Variants in KCNH8 observed in about 807,000 individuals in gnomAD.
KCNH8 encodes the protein voltage-gated delayed rectifier potassium channel KCNH8.
KCNH8 carries 70 observed loss-of-function variants against 103.6 expected under a neutral mutation model. The ratio of observed to expected loss-of-function variants is 0.68; its 90% CI spans 0.56 to 0.82. The LOEUF is 0.82. Ranked by LOEUF, KCNH8 falls within the 40% of genes least tolerant of loss-of-function variation. The pLI is 0.00. For missense variants in KCNH8, 1,217 were observed against 1,329.9 expected (o/e 0.92, Z 1.32); for synonymous variants, 498 against 489.4 (o/e 1.02, Z -0.23).
At chr3:19,216,926 A>G (rs2063823830) in intron 1 of KCNH8, among the ~76,000 whole-genome samples, 1 of 152,216 alleles carries the variant, frequency 6.6e-6, no homozygotes, top group Non-Finnish European at 1.5e-5. Context: ...GATCAGGTTG[A>G]GCAATATGAG....
intron 1 of KCNH8, among the ~76,000 whole-genome samples, chr3:19,193,319 A>G (rs2063570851): frequency 1.3e-5 from 2 of 151,796 alleles, no homozygotes; most frequent in South Asian, 4.1e-4. Context: ...CATAGATAAA[A>G]ATAAGAACAA....
chr3:19,390,694 T>C, intron 6 of KCNH8, 56 bp downstream of exon 6: 1 of 1,536,638 alleles, frequency 6.5e-7, no homozygotes, highest in Non-Finnish European at 8.8e-7. Context: ...TTATCGCATG[T>C]TCAGGTTTTA....
chr3:19,210,257 A>G (rs1231255197), intron 1 of KCNH8, among the ~76,000 whole-genome samples: 1 of 152,088 alleles, frequency 6.6e-6, no homozygotes, highest in East Asian at 1.9e-4. Flanking sequence ...CAGCAGCACA[A>G]GGCTCTCGAT....
At chr3:19,239,680 ATCT>A (rs1201206786) in intron 1 of KCNH8, among the ~76,000 whole-genome samples, 2 of 151,298 alleles carry the variant, frequency 1.3e-5, no homozygotes, top group African/African-American at 4.9e-5. Flanking sequence ...CTATCTATCT[ATCT>A]ACCTACCTAC....
rs369620038 is a variant in KCNH8 at position 19,440,530 on chromosome 3, A to G, written c.1375+2169A>G. On this transcript the variant is annotated intron_variant, in intron 8 of 15. Transcript: ENST00000328405. ...ACGTGCAGGGGAACTGCCCTTTATAAAACCATAAGATCTTGTAAGGCTTAT... is the reference window on the plus strand; with the variant it reads ...ACGTGCAGGGGAACTGCCCTTTATAGAACCATAAGATCTTGTAAGGCTTAT... Among the ~76,000 whole-genome samples, 12 of 152,250 alleles carry G rather than the reference A, an allele frequency of 7.9e-5. No individual in the cohort carries two copies. The East Asian group carries it at 2.1e-3, about 27-fold the overall frequency.
chr3:19,184,534 G>A (rs544633204), intron 1 of KCNH8, among the ~76,000 whole-genome samples: 1 of 152,026 alleles, frequency 6.6e-6, no homozygotes, highest in East Asian at 1.9e-4. Context: ...AAGGCTGGCT[G>A]ACAAAAATAC....
At chr3:19,331,068 A>G (rs1575532304) in intron 3 of KCNH8, among the ~76,000 whole-genome samples, 1 of 152,062 alleles carries the variant, frequency 6.6e-6, no homozygotes, top group Non-Finnish European at 1.5e-5. Context: ...ACAAGGTAGT[A>G]TAAAGTTTTT....
intron 3 of KCNH8, among the ~76,000 whole-genome samples, chr3:19,331,126 A>C (rs985575643): frequency 6.6e-6 from 1 of 151,854 alleles, no homozygotes; most frequent in South Asian, 2.1e-4. Flanking sequence ...ACTGGGGGGA[A>C]GTTTTTTTTG....
intron 3 of KCNH8, among the ~76,000 whole-genome samples, chr3:19,299,178 A>C (rs959203469): frequency 2.0e-5 from 3 of 152,180 alleles, no homozygotes; most frequent in Non-Finnish European, 2.9e-5. Context: ...TGGGTAGTGC[A>C]TGAGAAAATA....
intron 1 of KCNH8, among the ~76,000 whole-genome samples, chr3:19,186,784 A>C (rs1232089962): frequency 6.6e-6 from 1 of 152,048 alleles, no homozygotes; most frequent in Non-Finnish European, 1.5e-5. Context: ...ACAAAAGGAG[A>C]TAAAACTGGC....
At chr3:19,235,417 G>A (rs944020197) in intron 1 of KCNH8, among the ~76,000 whole-genome samples, 2 of 152,172 alleles carry the variant, frequency 1.3e-5, no homozygotes, top group Non-Finnish European at 2.9e-5. Flanking sequence ...CCAGAATTAT[G>A]TGTGCCTCTG....
At chr3:19,319,628 G>C (rs1383048101) in intron 3 of KCNH8, among the ~76,000 whole-genome samples, 2 of 151,956 alleles carry the variant, frequency 1.3e-5, no homozygotes, top group Non-Finnish European at 2.9e-5. Context: ...TTTTTGCTTA[G>C]TCTTGCTTTG....
intron 1 of KCNH8, among the ~76,000 whole-genome samples, chr3:19,244,748 TA>T (rs1404654749): frequency 6.6e-6 from 1 of 152,210 alleles, no homozygotes; most frequent in Admixed American, 6.5e-5. Flanking sequence ...TTCATATTTT[TA>T]TTGGCCACTT....
At chr3:19,226,527 T>G (rs771965449) in intron 1 of KCNH8, among the ~76,000 whole-genome samples, 6 of 152,082 alleles carry the variant, frequency 3.9e-5, no homozygotes, top group Non-Finnish European at 8.8e-5. Flanking sequence ...TCATACTTCT[T>G]TGGCATCAAA....
chr3:19,444,413 A>T (rs2067331852), intron 8 of KCNH8, among the ~76,000 whole-genome samples: 1 of 152,056 alleles, frequency 6.6e-6, no homozygotes, highest in African/African-American at 2.4e-5. Context: ...AAAAGGTAAT[A>T]TAGGAGAATA....
At chr3:19,440,263 CTAGA>C (rs2125173319) in intron 8 of KCNH8, among the ~76,000 whole-genome samples, 1 of 151,998 alleles carries the variant, frequency 6.6e-6, no homozygotes, top group South Asian at 2.1e-4. Flanking sequence ...AGAGAACTAG[CTAGA>C]TAGAGGCACA....
At chr3:19,234,448 C>T (rs1484439898) in intron 1 of KCNH8, among the ~76,000 whole-genome samples, 2 of 152,346 alleles carry the variant, frequency 1.3e-5, no homozygotes, top group Non-Finnish European at 2.9e-5. Flanking sequence ...CAGCTAAGGC[C>T]CTGCGAGAAA....
chr3:19,412,574 G>T (rs1450316813), intron 7 of KCNH8, among the ~76,000 whole-genome samples: 1 of 151,908 alleles, frequency 6.6e-6, no homozygotes, highest in Non-Finnish European at 1.5e-5. Flanking sequence ...CACAGCAAAA[G>T]AAACTACCAA....
At chr3:19,453,893 A>T (rs1433033831) in intron 10 of KCNH8, among the ~76,000 whole-genome samples, 1 of 152,162 alleles carries the variant, frequency 6.6e-6, no homozygotes, top group Non-Finnish European at 1.5e-5. Flanking sequence ...AGGTGAAGAG[A>T]TAGACACTAG....
Sources: gnomAD v4.1 joint callset for allele counts (sites outside exome capture counted in the v4.1 genomes callset) on GRCh38, gnomAD v4.1.1 for gene constraint, MANE v1.5 for transcripts, NCBI Gene and HGNC (gene_info 2026-07-23, HGNC 2026-07-21) for gene names.